Variants in CDH18 observed in about 807,000 individuals in gnomAD.
The protein encoded by CDH18 is cadherin-18.
In CDH18, 31 loss-of-function variants were observed where a neutral mutation model predicts 67.9. The ratio of observed to expected loss-of-function variants is 0.46; its 90% confidence interval spans 0.34 to 0.62. CDH18 has a LOEUF of 0.62. CDH18 is among the 20% of genes least tolerant of loss of function. The probability of loss-of-function intolerance (pLI) is 0.01; values close to 1 mark genes in which losing one functional copy is unlikely to be tolerated. For synonymous variants in CDH18, 362 were observed against 347.2 expected, an observed-to-expected ratio of 1.04 and a Z score of -0.48; for missense variants, 890 against 975.5, an observed-to-expected ratio of 0.91 and a Z score of 1.17.
At chr5:20,356,751 CTCT>C (rs1257914194) in intron 1 of CDH18, among the ~76,000 whole-genome samples, 1 of 127,072 alleles carries the variant, frequency 7.9e-6, no homozygotes, top group African/African-American at 3.1e-5. Flanking sequence ...CTCTCTCTCT[CTCT>C]ATATATATAT....
intron 4 of CDH18, among the ~76,000 whole-genome samples, chr5:19,722,460 A>G (rs1307896243): frequency 1.3e-5 from 2 of 150,888 alleles, no homozygotes; most frequent in African/African-American, 2.4e-5. Flanking sequence ...CATTTATAAC[A>G]TTTAAAATAC....
intron 2 of CDH18, among the ~76,000 whole-genome samples, chr5:20,230,634 A>C (rs1741992169): frequency 7.6e-6 from 1 of 131,014 alleles, no homozygotes; most frequent in African/African-American, 2.7e-5. Context: ...AGATAAGTAT[A>C]GACTTTCATC....
chr5:19,633,360 C>T (rs890029926), intron 5 of CDH18, among the ~76,000 whole-genome samples: 5 of 152,138 alleles, frequency 3.3e-5, no homozygotes, highest in African/African-American at 4.8e-5. Flanking sequence ...GTCATTAATT[C>T]AGTGAACGTT....
At chr5:19,679,568 C>G (rs967846194) in intron 5 of CDH18, among the ~76,000 whole-genome samples, 1 of 151,910 alleles carries the variant, frequency 6.6e-6, no homozygotes, top group African/African-American at 2.4e-5. Context: ...AAGACTCCAC[C>G]AAAAGGCTCC....
chr5:20,483,267 G>A (rs1343105096), intron 1 of CDH18, among the ~76,000 whole-genome samples: 1 of 151,954 alleles, frequency 6.6e-6, no homozygotes, highest in Non-Finnish European at 1.5e-5. Context: ...AGAAATTGAA[G>A]AGGACACCAA....
chr5:20,534,250 T>A (rs1756581937), intron 1 of CDH18, among the ~76,000 whole-genome samples: 1 of 152,066 alleles, frequency 6.6e-6, no homozygotes, highest in South Asian at 2.1e-4. Flanking sequence ...CAAACTATGG[T>A]TATTCTTTAA....
chr5:20,374,641 C>G (rs1440672006), intron 1 of CDH18, among the ~76,000 whole-genome samples: 1 of 152,078 alleles, frequency 6.6e-6, no homozygotes, highest in Admixed American at 6.6e-5. Flanking sequence ...TTTTCAGAAC[C>G]AAGAATCATC....
At chr5:19,518,836 C>A (rs1020145848) in intron 10 of CDH18, among the ~76,000 whole-genome samples, 1 of 152,140 alleles carries the variant, frequency 6.6e-6, no homozygotes, top group Non-Finnish European at 1.5e-5. Flanking sequence ...AGTCAATACT[C>A]CTTAATAAAC....
chr5:19,867,166 T>C (rs1375521816), intron 2 of CDH18, among the ~76,000 whole-genome samples: 1 of 152,156 alleles, frequency 6.6e-6, no homozygotes, highest in East Asian at 1.9e-4. Context: ...TGTAATATAA[T>C]ATGACATTTA....
At chr5:20,391,203 T>C (rs113161963) in intron 1 of CDH18, among the ~76,000 whole-genome samples, 2,206 of 152,158 alleles carry the variant, frequency 0.014, 58 homozygotes, top group African/African-American at 0.05. Context: ...AACATAAAGA[T>C]ATATATAACA....
intron 3 of CDH18, among the ~76,000 whole-genome samples, chr5:19,836,720 GT>G (rs973003112): frequency 6.6e-6 from 1 of 152,034 alleles, no homozygotes; most frequent in Admixed American, 6.6e-5. Flanking sequence ...TGCTTTTTGT[GT>G]TTTAGTCATG....
At chr5:20,006,589 C>T (rs982287301) in intron 2 of CDH18, among the ~76,000 whole-genome samples, 3 of 151,772 alleles carry the variant, frequency 2.0e-5, no homozygotes, top group African/African-American at 7.3e-5. Context: ...TTTGATTTTC[C>T]GGTTTTCTAC....
intron 2 of CDH18, among the ~76,000 whole-genome samples, chr5:19,866,283 T>C (rs771799743): frequency 1.3e-5 from 2 of 152,204 alleles, no homozygotes; most frequent in Non-Finnish European, 2.9e-5. Flanking sequence ...CAAATTATTA[T>C]CCTGTCAAGA....
chr5:19,562,207 A>G (rs183725721), intron 8 of CDH18, among the ~76,000 whole-genome samples: 2 of 152,318 alleles, frequency 1.3e-5, no homozygotes, highest in East Asian at 3.9e-4. Flanking sequence ...TACCTTTAAC[A>G]TGAACACAGT....
In CDH18 at chr5:20,307,916, T is replaced by C. The variant is rs141461150; in HGVS notation, c.-579-52411A>G. ...CTTCATTAACCTTAAACATTTATAT[T>C]TTCACATATATGAACATTAATGCAA... On this transcript the variant is annotated intron_variant, in intron 1 of 14. Transcript: ENST00000507958. Among the ~76,000 whole-genome samples the C allele has an allele frequency of 3.3e-3, 500 of 152,268 alleles. 1 individual carries two copies. The highest frequency in any genetic ancestry group is 0.011 in the African/African-American group (457 of 41,560).
intron 5 of CDH18, among the ~76,000 whole-genome samples, chr5:19,652,161 G>A (rs911176193): frequency 1.3e-5 from 2 of 151,494 alleles, no homozygotes; most frequent in African/African-American, 4.8e-5. Flanking sequence ...ATATTCACAT[G>A]TTTAAACTAA....
At chr5:20,380,007 T>G (rs916452943) in intron 1 of CDH18, among the ~76,000 whole-genome samples, 1 of 152,108 alleles carries the variant, frequency 6.6e-6, no homozygotes, top group African/African-American at 2.4e-5. Context: ...AAGTGTTTTA[T>G]TGTTTTCGTT....
intron 5 of CDH18, among the ~76,000 whole-genome samples, chr5:19,632,916 C>T (rs374278533): frequency 2.6e-5 from 4 of 152,208 alleles, no homozygotes; most frequent in Admixed American, 6.5e-5. Flanking sequence ...CTCCAACTAG[C>T]TGCTGTTTTG....
intron 1 of CDH18, among the ~76,000 whole-genome samples, chr5:20,381,004 T>A (rs1026009318): frequency 2.6e-5 from 4 of 152,054 alleles, no homozygotes; most frequent in Non-Finnish European, 5.9e-5. Flanking sequence ...TAAATTAAAG[T>A]GAGGTTCTTA....
Sources: allele counts gnomAD v4.1 joint callset (sites outside exome capture counted in the v4.1 genomes callset), GRCh38; gene constraint gnomAD v4.1.1; transcripts MANE v1.5; gene names NCBI Gene and HGNC (gene_info 2026-07-23, HGNC 2026-07-21).